NUF2: variants seen among roughly 807,000 people sequenced by gnomAD.
NUF2 encodes NUF2 component of NDC80 kinetochore complex.
NUF2 carries 34 observed loss-of-function variants against 61.8 expected under a neutral mutation model. The ratio of observed to expected loss-of-function variants is 0.55; its 90% CI spans 0.42 to 0.73. The LOEUF (loss-of-function observed/expected upper bound fraction) is 0.73. Among genes scored for constraint, NUF2 ranks in the 30% least tolerant of loss-of-function variants. The pLI is 0.00. For missense variants in NUF2, 445 were observed against 539.1 expected (o/e 0.83, Z 1.73); for synonymous variants, 172 against 181.6 (o/e 0.95, Z 0.42).
chr1:163,343,838 A>G lies in NUF2; in HGVS notation c.775A>G (p.Lys259Glu). ...EKLKNYKEKM[K>E]DTVQKLKNAR... ...GTTAAAGAATTATAAAGAAAAAATG[A>G]AAGATACGGTCCAGAAGCTTAAAAA... Residue 259 changes from lysine to glutamate, a missense_variant, in exon 10 of 14, where the codon AAA (lysine) becomes GAA (glutamate). Physicochemically the swap from Lys to Glu is moderately conservative, Grantham distance 56. Transcript: ENST00000271452. The G allele has an allele frequency of 2.0e-6, 3 of 1,467,838 alleles. No homozygotes were observed. Among genetic ancestry groups the G allele is most frequent in the Non-Finnish European group, 2.7e-6 (3 of 1,107,392 alleles). 90.9% of individuals were successfully genotyped at this position (1,467,838 alleles called of 1,614,324 possible). A position where few individuals can be genotyped will look rare whatever the true frequency, so the allele number is the denominator to read the frequency against.
At chr1:163,343,916 AT>A in intron 10 of NUF2, 46 bp downstream of exon 10, 2 of 1,174,118 alleles carry the variant, frequency 1.7e-6, no homozygotes, top group Non-Finnish European at 2.3e-6. Flanking sequence ...AAAAAAAAAA[AT>A]TAGCAAATTC....
chr1:163,335,607 A>G (rs1330199316), intron 5 of NUF2, among the ~76,000 whole-genome samples: 2 of 150,750 alleles, frequency 1.3e-5, no homozygotes, highest in Non-Finnish European at 3.0e-5. Context: ...CCCTCCCCCT[A>G]CACCCCTGCC....
chr1:163,336,448 T>C (rs553940519), intron 5 of NUF2, among the ~76,000 whole-genome samples: 1 of 152,300 alleles, frequency 6.6e-6, no homozygotes, highest in African/African-American at 2.4e-5. Context: ...TATTGCCTTT[T>C]ATCCAGCATC....
intron 13 of NUF2, among the ~76,000 whole-genome samples, chr1:163,352,068 T>C (rs1364906882): frequency 1.3e-5 from 2 of 151,186 alleles, no homozygotes; most frequent in Non-Finnish European, 3.0e-5. Context: ...TCTCTTTTGC[T>C]CAACTTCTTC....
chr1:163,350,407 A>C (rs1036569153), intron 13 of NUF2, among the ~76,000 whole-genome samples: 2 of 152,170 alleles, frequency 1.3e-5, no homozygotes, highest in African/African-American at 4.8e-5. Context: ...CAGTTAGTGA[A>C]CCAGTTACTA....
chr1:163,327,252 A>G (rs1226205204), intron 2 of NUF2, among the ~76,000 whole-genome samples: 1 of 152,126 alleles, frequency 6.6e-6, no homozygotes, highest in Non-Finnish European at 1.5e-5. Flanking sequence ...GGATTTGGGT[A>G]TACTTGCTCT....
chr1:163,327,284 A>G (rs1285607219), intron 2 of NUF2, among the ~76,000 whole-genome samples: 4 of 152,180 alleles, frequency 2.6e-5, no homozygotes, highest in African/African-American at 9.6e-5. Context: ...AGCTGATCCC[A>G]TTGACCACTT....
At chr1:163,345,045 A>T (rs977595989) in intron 10 of NUF2, among the ~76,000 whole-genome samples, 1 of 152,192 alleles carries the variant, frequency 6.6e-6, no homozygotes, top group Non-Finnish European at 1.5e-5. Context: ...GAAACAGAAA[A>T]TCTATAGAGA....
chr1:163,324,838 T>C (rs3010372), intron 1 of NUF2, among the ~76,000 whole-genome samples: 138,459 of 151,790 alleles, frequency 0.91, 63,604 homozygotes, highest in East Asian at 0.98. Flanking sequence ...CAGTACATTG[T>C]AACAAGTATT....
chr1:163,325,122 C>T (rs1650374973), intron 1 of NUF2, among the ~76,000 whole-genome samples: 1 of 152,088 alleles, frequency 6.6e-6, no homozygotes, highest in Non-Finnish European at 1.5e-5. Flanking sequence ...GTCTTAAACT[C>T]CTGGGCTCAA....
intron 5 of NUF2, among the ~76,000 whole-genome samples, chr1:163,329,172 A>T (rs1468311243): frequency 2.0e-5 from 3 of 152,070 alleles, no homozygotes; most frequent in Non-Finnish European, 2.9e-5. Context: ...TGGGAATATG[A>T]CTACAAATAA....
chr1:163,343,452 T>A (rs1651014374), intron 9 of NUF2, among the ~76,000 whole-genome samples: 1 of 152,062 alleles, frequency 6.6e-6, no homozygotes, highest in Admixed American at 6.6e-5. Context: ...AAGATCAGAA[T>A]TACCAGATTG....
chr1:163,324,900 C>CTT lies in NUF2; in HGVS notation c.-20-1115_-20-1114dup, dbSNP rs67548511. On this transcript the variant is annotated intron_variant, in intron 1 of 13. Coordinates refer to ENST00000271452, the MANE Select transcript of NUF2 (RefSeq NM_145697.3). ...GGACAAGGTTTCTTTTCTTTTCTTT[C>CTT]TTTTTTTTTTTTTTTTTTGACACAG... Among the ~76,000 whole-genome samples the CTT allele has an allele frequency of 9.1e-4, 112 of 122,974 alleles. 2 individuals carry two copies. Among genetic ancestry groups the CTT allele is most frequent in the East Asian group, 2.0e-3 (9 of 4,468 alleles). The allele number at this position is 122,974 out of a possible 152,430, so 80.7% of individuals were successfully genotyped here.
intron 1 of NUF2, among the ~76,000 whole-genome samples, chr1:163,322,528 A>G (rs907785583): frequency 1.3e-5 from 2 of 152,264 alleles, no homozygotes; most frequent in African/African-American, 4.8e-5. Flanking sequence ...GGAAAAGAGC[A>G]GCGCATATAT....
intron 11 of NUF2, among the ~76,000 whole-genome samples, chr1:163,347,052 A>T (rs1651158743): frequency 6.6e-6 from 1 of 152,218 alleles, no homozygotes; most frequent in African/African-American, 2.4e-5. Flanking sequence ...AACTACTGTC[A>T]TGGGATTTTA....
chr1:163,338,673 C>A (rs966041691), intron 7 of NUF2, among the ~76,000 whole-genome samples: 6 of 152,184 alleles, frequency 3.9e-5, no homozygotes, highest in Non-Finnish European at 8.8e-5. Flanking sequence ...ATTGCCTTTA[C>A]AGGCAGACAT....
chr1:163,324,924 A>T (rs1650368073), intron 1 of NUF2, among the ~76,000 whole-genome samples: 1 of 132,948 alleles, frequency 7.5e-6, no homozygotes, highest in African/African-American at 2.8e-5. Context: ...TTTTTGACAC[A>T]GGGTCTCTGT....
chr1:163,330,605 TGAA>T (rs1650562713), intron 5 of NUF2, among the ~76,000 whole-genome samples: 1 of 152,148 alleles, frequency 6.6e-6, no homozygotes, highest in South Asian at 2.1e-4. Flanking sequence ...CTTCTTCCCC[TGAA>T]AAAGCCATTT....
chr1:163,355,211 G>C, intron 13 of NUF2, 124 bp from the exon 14 acceptor site: 1 of 665,956 alleles, frequency 1.5e-6, no homozygotes, highest in Non-Finnish European at 2.5e-6. Flanking sequence ...ACATTTGTGT[G>C]TGTGCATAAG....
Sources: gnomAD v4.1 joint callset for allele counts (sites outside exome capture counted in the v4.1 genomes callset) on GRCh38, gnomAD v4.1.1 for gene constraint, MANE v1.5 for transcripts, NCBI Gene and HGNC (gene_info 2026-07-23, HGNC 2026-07-21) for gene names.